CADPS: variants seen among roughly 807,000 people sequenced by gnomAD.
The protein encoded by CADPS is calcium dependent secretion activator.
A neutral mutation model predicts 167.3 loss-of-function variants in CADPS; 57 were observed. The observed-to-expected ratio is 0.34, with a 90% CI of 0.28 to 0.42. CADPS has a LOEUF of 0.42. CADPS is among the 20% of genes least tolerant of loss of function. The pLI is 1.00. For missense variants in CADPS, 1,414 were observed against 1,738.1 expected, an observed-to-expected ratio of 0.81 and a Z score of 3.32; for synonymous variants, 676 against 635.3, an observed-to-expected ratio of 1.06 and a Z score of -0.96.
chr3:62,634,440 A>G (rs907822362), intron 6 of CADPS, among the ~76,000 whole-genome samples: 1 of 152,216 alleles, frequency 6.6e-6, no homozygotes, highest in African/African-American at 2.4e-5. Context: ...CATATAGAGC[A>G]CATATGAAGA....
intron 24 of CADPS, among the ~76,000 whole-genome samples, chr3:62,468,060 T>G (rs562631416): frequency 7.2e-5 from 11 of 152,224 alleles, no homozygotes; most frequent in South Asian, 2.1e-4. Context: ...TCAGAACCCA[T>G]GTTGGCTATA....
At chr3:62,619,643 A>G (rs939994269) in intron 6 of CADPS, among the ~76,000 whole-genome samples, 1 of 152,128 alleles carries the variant, frequency 6.6e-6, no homozygotes, top group African/African-American at 2.4e-5. Flanking sequence ...CATTAGAGAG[A>G]CAATAGCAAT....
chr3:62,685,436 T>C (rs1288701320), intron 3 of CADPS, among the ~76,000 whole-genome samples: 1 of 151,872 alleles, frequency 6.6e-6, no homozygotes, highest in Non-Finnish European at 1.5e-5. Context: ...GTGATAATAA[T>C]GTTAATGTTT....
At chr3:62,786,087 C>G (rs1380123338) in intron 1 of CADPS, among the ~76,000 whole-genome samples, 1 of 152,052 alleles carries the variant, frequency 6.6e-6, no homozygotes, top group Non-Finnish European at 1.5e-5. Context: ...GTGGTGCATG[C>G]CTGTATTCCC....
At chr3:62,750,379 G>C (rs1166627073) in intron 3 of CADPS, among the ~76,000 whole-genome samples, 5 of 73,142 alleles carry the variant, frequency 6.8e-5, no homozygotes, top group Non-Finnish European at 1.6e-4. Flanking sequence ...AAAAAAAAAA[G>C]GTGAATTTGA....
intron 17 of CADPS, among the ~76,000 whole-genome samples, chr3:62,503,966 T>C (rs963410493): frequency 2.6e-5 from 4 of 152,174 alleles, no homozygotes; most frequent in Non-Finnish European, 4.4e-5. Flanking sequence ...ATTGCCAAGT[T>C]TCCTTCTTGG....
At chr3:62,629,623 A>G (rs833668) in intron 6 of CADPS, among the ~76,000 whole-genome samples, 21,544 of 152,186 alleles carry the variant, frequency 0.14, 1,637 homozygotes, top group Middle Eastern at 0.22. Context: ...CATTCTTTGT[A>G]TAAGACTCTC....
chr3:62,641,695 T>C (rs148691252), intron 6 of CADPS, among the ~76,000 whole-genome samples: 40 of 152,152 alleles, frequency 2.6e-4, no homozygotes, highest in African/African-American at 7.7e-4. Context: ...GAAAACTTGA[T>C]CGTATATTCT....
At chr3:62,728,526 A>C (rs1278405535) in intron 3 of CADPS, among the ~76,000 whole-genome samples, 1 of 151,868 alleles carries the variant, frequency 6.6e-6, no homozygotes, top group Non-Finnish European at 1.5e-5. Flanking sequence ...AATTGTTACC[A>C]AAGGTCTTCA....
At chr3:62,599,570 A>G (rs2059410395) in intron 6 of CADPS, among the ~76,000 whole-genome samples, 1 of 99,570 alleles carries the variant, frequency 1.0e-5, no homozygotes, top group African/African-American at 4.2e-5. Flanking sequence ...ATAATTATAT[A>G]AATTATACAA....
In CADPS at chr3:62,795,258, T is replaced by C. The variant is rs116097815; in HGVS notation, c.442-29274A>G. ...GTATCATTTTTGAAATCACCATCTC[T>C]AAGAGGCTTGCTCTTCCTAATCTAA... On this transcript the variant is annotated intron_variant, in intron 1 of 29. Coordinates refer to ENST00000383710, the MANE Select transcript of CADPS (RefSeq NM_003716.4). Among the ~76,000 whole-genome samples the C allele has an allele frequency of 4.9e-3, 746 of 152,232 alleles. 9 individuals carry two copies. The highest frequency in any genetic ancestry group is 4.1e-3 in the Non-Finnish European group (277 of 68,016).
intron 1 of CADPS, among the ~76,000 whole-genome samples, chr3:62,817,336 T>C (rs916797677): frequency 6.6e-6 from 1 of 152,164 alleles, no homozygotes; most frequent in Non-Finnish European, 1.5e-5. Flanking sequence ...TCAGCACACT[T>C]TCCTGAGGAA....
intron 3 of CADPS, among the ~76,000 whole-genome samples, chr3:62,688,350 T>A (rs532417658): frequency 1.3e-5 from 2 of 152,232 alleles, no homozygotes; most frequent in South Asian, 4.1e-4. Flanking sequence ...TGAGCCTTTG[T>A]TACTCATCTC....
At chr3:62,794,229 C>A (rs1021319210) in intron 1 of CADPS, among the ~76,000 whole-genome samples, 1 of 152,048 alleles carries the variant, frequency 6.6e-6, no homozygotes, top group Non-Finnish European at 1.5e-5. Context: ...CTGAAGTTTC[C>A]CTGTGTGTAG....
At chr3:62,429,455 C>G (rs145011429) in intron 28 of CADPS, among the ~76,000 whole-genome samples, 39 of 152,142 alleles carry the variant, frequency 2.6e-4, no homozygotes, top group Non-Finnish European at 7.4e-5. Context: ...AGGTATTGAT[C>G]GTGAAATCTT....
At chr3:62,768,736 C>G (rs182096543) in intron 1 of CADPS, among the ~76,000 whole-genome samples, 1 of 152,148 alleles carries the variant, frequency 6.6e-6, no homozygotes, top group Admixed American at 6.5e-5. Flanking sequence ...AACAAAAAAG[C>G]ACATTAAATT....
chr3:62,490,985 G>A (rs1292579868), intron 21 of CADPS, among the ~76,000 whole-genome samples: 1 of 152,102 alleles, frequency 6.6e-6, no homozygotes, highest in East Asian at 1.9e-4. Context: ...GAACCCCACC[G>A]AACACACTTT....
rs369422232 is a variant in CADPS, at chr3:62,455,646, G to A, written c.3636+9721C>T. Among the ~76,000 whole-genome samples the A allele has an allele frequency of 9.2e-5, 14 of 152,232 alleles. No individual in the cohort carries two copies. Among genetic ancestry groups the A allele is most frequent in the African/African-American group, 2.9e-4 (12 of 41,550 alleles). On this transcript the variant is annotated intron_variant, in intron 26 of 29. Coordinates refer to ENST00000383710, the MANE Select transcript of CADPS (RefSeq NM_003716.4). The surrounding 1 kb of genome is among the most constrained non-coding windows in gnomAD (Gnocchi z 4.4). ...AGCAGACATGTAAGCTTATTTTTGC[G>A]GATTTTAAGTGGGGGCCCCTGCCCC... is the stretch of plus-strand genomic sequence containing the variant.
intron 6 of CADPS, among the ~76,000 whole-genome samples, chr3:62,615,852 C>G (rs1013875933): frequency 6.6e-6 from 1 of 152,130 alleles, no homozygotes; most frequent in African/African-American, 2.4e-5. Context: ...ATGTTTTGAA[C>G]TCTCCTCTTA....
Sources: gnomAD v4.1 joint callset for allele counts (sites outside exome capture counted in the v4.1 genomes callset) on GRCh38, gnomAD v4.1.1 for gene constraint, Gnocchi (gnomAD v3.1) non-coding constraint, MANE v1.5 for transcripts, NCBI Gene and HGNC (gene_info 2026-07-23, HGNC 2026-07-21) for gene names.